The following CSMD1 variants were observed in gnomAD, a reference collection of about 807,000 sequenced individuals.
The protein encoded by CSMD1 is CUB and sushi domain-containing protein 1.
A neutral mutation model predicts 417.5 loss-of-function variants in CSMD1; 213 were observed. The ratio of observed to expected loss-of-function variants is 0.51; its 90% CI spans 0.46 to 0.57. CSMD1 has a LOEUF of 0.57. CSMD1 is among the 20% of genes least tolerant of loss of function. The pLI is 0.00. For missense variants in CSMD1, 6,923 were observed against 4,529.7 expected (o/e 1.53, Z -15.17); for synonymous variants, 2,862 against 1,736.8 (o/e 1.65, Z -16.11).
At chr8:3,633,294 T>C (rs1424184768) in intron 7 of CSMD1, among the ~76,000 whole-genome samples, 1 of 152,198 alleles carries the variant, frequency 6.6e-6, no homozygotes, top group East Asian at 1.9e-4. Flanking sequence ...GGAAAATGCA[T>C]ACTCAGAAGT....
chr8:4,063,964 A>G (rs1799112029), intron 3 of CSMD1, among the ~76,000 whole-genome samples: 2 of 152,152 alleles, frequency 1.3e-5, no homozygotes, highest in Admixed American at 6.6e-5. Flanking sequence ...ATATTAAACA[A>G]AAAGAGAGTG....
intron 49 of CSMD1, among the ~76,000 whole-genome samples, chr8:3,086,004 G>C (rs142674444): frequency 7.2e-4 from 110 of 152,232 alleles, no homozygotes; most frequent in African/African-American, 2.5e-3. Context: ...CTGTGTCCAG[G>C]CTGCCGTTTG....
At chr8:3,421,890 G>C (rs575454270) in intron 12 of CSMD1, among the ~76,000 whole-genome samples, 2 of 150,430 alleles carry the variant, frequency 1.3e-5, no homozygotes, top group South Asian at 4.2e-4. Context: ...CACCCACCTT[G>C]GCCGCCCAAA....
intron 1 of CSMD1, among the ~76,000 whole-genome samples, chr8:4,779,895 T>A (rs1232036560): frequency 6.6e-6 from 1 of 151,730 alleles, no homozygotes; most frequent in African/African-American, 2.4e-5. Flanking sequence ...GGGGCCTTGC[T>A]TTTTCTTTTT....
At chr8:4,811,997 A>T (rs1359881140) in intron 1 of CSMD1, among the ~76,000 whole-genome samples, 1 of 152,220 alleles carries the variant, frequency 6.6e-6, no homozygotes, top group Non-Finnish European at 1.5e-5. Flanking sequence ...AAAGACAGAA[A>T]GTAACAGCTT....
chr8:4,940,674 C>T (rs1029811614), intron 1 of CSMD1, among the ~76,000 whole-genome samples: 10 of 152,120 alleles, frequency 6.6e-5, no homozygotes, highest in African/African-American at 1.7e-4. Context: ...TAAAACAAAC[C>T]AATACCTTAC....
At chr8:4,686,125 G>C (rs568836937) in intron 1 of CSMD1, among the ~76,000 whole-genome samples, 1 of 152,090 alleles carries the variant, frequency 6.6e-6, no homozygotes, top group South Asian at 2.1e-4. Context: ...GAAAATTTGA[G>C]ATGCCAAATT....
intron 1 of CSMD1, among the ~76,000 whole-genome samples, chr8:4,933,666 A>AAAGGAAGGAAGG (rs1336120581): frequency 1.3e-5 from 2 of 152,170 alleles, no homozygotes; most frequent in South Asian, 4.1e-4. Context: ...TGGATAGATG[A>AAAGGAAGGAAGG]AAGGAAGGAA....
intron 3 of CSMD1, among the ~76,000 whole-genome samples, chr8:4,298,133 T>C (rs977593457): frequency 6.6e-6 from 1 of 152,104 alleles, no homozygotes; most frequent in African/African-American, 2.4e-5. Context: ...TGGGGACATA[T>C]TCAAAAATGG....
chr8:2,953,974 T>G (rs1205801630), intron 65 of CSMD1, among the ~76,000 whole-genome samples: 1 of 152,260 alleles, frequency 6.6e-6, no homozygotes. Context: ...GAAGGCAAGT[T>G]TGAATGAAAC....
intron 6 of CSMD1, among the ~76,000 whole-genome samples, chr8:3,746,075 T>C (rs1368953013): frequency 1.3e-5 from 2 of 149,974 alleles, no homozygotes; most frequent in Non-Finnish European, 2.9e-5. Flanking sequence ...CACACGGACA[T>C]TTAGCAAATA....
At position 4,797,909 on chromosome 8, in the gene CSMD1, A is replaced by T. The variant is rs544316839; in HGVS notation, c.86-160351T>A. Among the ~76,000 whole-genome samples, 346 of 152,352 alleles carry T rather than the reference A, an allele frequency of 2.3e-3. 2 individuals carry two copies. The highest frequency in any genetic ancestry group is 4.1e-3 in the South Asian group (20 of 4,830). ...CTTAAATACTTATAAAATTCCACAG[A>T]AGGGCATGACAGATCTCCATAAATG... On this transcript the variant is annotated intron_variant, in intron 1 of 69. Coordinates refer to ENST00000635120, the MANE Select transcript of CSMD1 (RefSeq NM_033225.6).
intron 5 of CSMD1, among the ~76,000 whole-genome samples, chr8:3,984,704 C>CATTCATATATAT (rs1814173678): frequency 1.2e-5 from 1 of 82,822 alleles, no homozygotes; most frequent in Non-Finnish European, 2.4e-5. Context: ...GTGTATATAT[C>CATTCATATATAT]ATATATATAT....
intron 12 of CSMD1, among the ~76,000 whole-genome samples, chr8:3,420,276 G>A (rs1255110473): frequency 1.3e-5 from 2 of 151,936 alleles, no homozygotes; most frequent in East Asian, 3.9e-4. Flanking sequence ...CTGAGGAATA[G>A]TCTACACAAT....
chr8:3,961,817 G>C (rs527311055), intron 5 of CSMD1, among the ~76,000 whole-genome samples: 3 of 152,168 alleles, frequency 2.0e-5, no homozygotes, highest in Non-Finnish European at 2.9e-5. Context: ...CGCTAGAAAT[G>C]CTATTAAATA....
intron 3 of CSMD1, among the ~76,000 whole-genome samples, chr8:4,051,542 G>C (rs1798423906): frequency 6.6e-6 from 1 of 152,258 alleles, no homozygotes; most frequent in South Asian, 2.1e-4. Context: ...AATCAGCAGA[G>C]AAAAGCAACT....
intron 5 of CSMD1, among the ~76,000 whole-genome samples, chr8:3,977,313 T>A (rs1813509361): frequency 1.3e-5 from 2 of 152,118 alleles, no homozygotes; most frequent in South Asian, 4.1e-4. Flanking sequence ...CCCATTTCAT[T>A]CCTTTCCCAA....
intron 5 of CSMD1, among the ~76,000 whole-genome samples, chr8:3,839,059 C>T (rs11136672): frequency 0.38 from 47,009 of 123,006 alleles, 9,556 homozygotes; most frequent in East Asian, 0.6. Flanking sequence ...AAATATATAG[C>T]CTATAGATAT....
At chr8:4,321,514 G>C (rs995731706) in intron 3 of CSMD1, among the ~76,000 whole-genome samples, 1 of 152,218 alleles carries the variant, frequency 6.6e-6, no homozygotes, top group Non-Finnish European at 1.5e-5. Flanking sequence ...GCAGAGGGAT[G>C]TGTTAAGGAT....
Sources: allele counts gnomAD v4.1 joint callset (sites outside exome capture counted in the v4.1 genomes callset), GRCh38; gene constraint gnomAD v4.1.1; transcripts MANE v1.5; gene names NCBI Gene and HGNC (gene_info 2026-07-23, HGNC 2026-07-21).